BRAF: variants seen among roughly 807,000 people sequenced by gnomAD.
BRAF encodes the protein B-Raf proto-oncogene, serine/threonine kinase.
BRAF carries 16 observed loss-of-function variants against 104.6 expected under a neutral mutation model. The observed-to-expected ratio is 0.15, with a 90% CI of 0.10 to 0.23. BRAF has a LOEUF of 0.23. BRAF is among the 10% of genes least tolerant of loss of function. The pLI is 1.00. For missense variants in BRAF, 541 were observed against 937.3 expected, an observed-to-expected ratio of 0.58 and a Z score of 5.52; for synonymous variants, 310 against 341.6, an observed-to-expected ratio of 0.91 and a Z score of 1.02.
intron 1 of BRAF, among the ~76,000 whole-genome samples, chr7:140,866,282 C>G (rs1205084056): frequency 6.6e-6 from 1 of 152,180 alleles, no homozygotes; most frequent in African/African-American, 2.4e-5. Flanking sequence ...CTGGTCATAA[C>G]TTTCTCTCAC....
chr7:140,821,639 T>C (rs565249504), intron 3 of BRAF, among the ~76,000 whole-genome samples: 2 of 152,220 alleles, frequency 1.3e-5, no homozygotes, highest in Middle Eastern at 3.4e-3. Flanking sequence ...TTGGTGGGAA[T>C]GTAAATTGGT....
chr7:140,734,058 T>C (rs1796185988), intron 19 of BRAF: 1 of 1,038,018 alleles, frequency 9.6e-7, no homozygotes, highest in Admixed American at 5.6e-5. Context: ...ATAAAAGACA[T>C]CCACATTTTC....
At chr7:140,884,775 G>T (rs1309714303) in intron 1 of BRAF, among the ~76,000 whole-genome samples, 2 of 151,772 alleles carry the variant, frequency 1.3e-5, no homozygotes, top group Non-Finnish European at 2.9e-5. Flanking sequence ...AATTATGGAG[G>T]ACCCTAGAAA....
downstream of BRAF, among the ~76,000 whole-genome samples, chr7:140,716,660 G>A (rs1376415551): frequency 6.6e-6 from 1 of 152,166 alleles, no homozygotes; most frequent in Non-Finnish European, 1.5e-5. Flanking sequence ...TTTAGGGTAT[G>A]GCCTCAAATG....
chr7:140,823,919 T>C (rs1455983805), intron 3 of BRAF: 1 of 152,220 alleles, frequency 6.6e-6, no homozygotes, highest in Non-Finnish European at 1.5e-5. Flanking sequence ...TTAGCAATGT[T>C]GGGCATCTTT....
intron 2 of BRAF, among the ~76,000 whole-genome samples, chr7:140,841,225 CAAAT>C (rs1444395316): frequency 2.6e-5 from 4 of 151,564 alleles, no homozygotes; most frequent in Non-Finnish European, 5.9e-5. Context: ...ATTAAAAAAA[CAAAT>C]AGATAATAAC....
intron 14 of BRAF, among the ~76,000 whole-genome samples, chr7:140,772,848 C>T (rs1015785500): frequency 2.0e-5 from 3 of 152,108 alleles, no homozygotes; most frequent in African/African-American, 7.2e-5. Flanking sequence ...TAGTGTTTAA[C>T]ATAATAGTTT....
chr7:140,799,981 C>T (rs1357754722), intron 7 of BRAF: 13 of 395,732 alleles, frequency 3.3e-5, no homozygotes, highest in Non-Finnish European at 5.7e-5. Flanking sequence ...GTACCAAATG[C>T]AAGTAAATAT....
At chr7:140,734,237 T>C in intron 19 of BRAF, 1 of 1,163,424 alleles carries the variant, frequency 8.6e-7, no homozygotes, top group Non-Finnish European at 1.1e-6. Flanking sequence ...AGGGTCTTCT[T>C]CTGGAGTCCC....
intron 9 of BRAF, among the ~76,000 whole-genome samples, chr7:140,786,797 G>A (rs1801404570): frequency 6.6e-6 from 1 of 152,140 alleles, no homozygotes; most frequent in Admixed American, 6.5e-5. Context: ...TGATTCTAAG[G>A]TCAATCTTTA....
chr7:140,867,299 T>C (rs78663501), intron 1 of BRAF, among the ~76,000 whole-genome samples: 6 of 152,308 alleles, frequency 3.9e-5, no homozygotes, highest in Non-Finnish European at 7.3e-5. Flanking sequence ...AAATATTCCA[T>C]CATTAGGTAT....
rs548792237 is a variant in BRAF, at chr7:140,842,533, C to T, written c.240+7578G>A. On this transcript the variant is annotated intron_variant, in intron 2 of 19. Transcript: ENST00000644969. ...ACAGTATCCCTTCATCTCTGGGCTCCAATAAATCAAGTACAGAAAGAAGAA... is the reference window on the plus strand; with the variant it reads ...ACAGTATCCCTTCATCTCTGGGCTCTAATAAATCAAGTACAGAAAGAAGAA... 3.3e-5 allele frequency among the ~76,000 whole-genome samples: 5 copies of T among 152,104 alleles called. No homozygotes were observed. The South Asian group carries it at 1.0e-3, about 32-fold the overall frequency.
chr7:140,866,921 T>C (rs913716745), intron 1 of BRAF, among the ~76,000 whole-genome samples: 3 of 151,792 alleles, frequency 2.0e-5, no homozygotes, highest in Admixed American at 1.3e-4. Flanking sequence ...AATGTTATGA[T>C]GCATTCAATG....
chr7:140,818,552 A>G (rs1255219059), intron 3 of BRAF, among the ~76,000 whole-genome samples: 2 of 152,278 alleles, frequency 1.3e-5, no homozygotes, highest in South Asian at 4.1e-4. Flanking sequence ...ACCTCAGGTG[A>G]TCCGCCCGCC....
rs1023575294 is a variant in BRAF, at chr7:140,903,438, G to A, written c.138+21128C>T. 5.3e-5 allele frequency among the ~76,000 whole-genome samples: 8 copies of A among 152,050 alleles called. No individual in the cohort carries two copies. In the East Asian group the frequency reaches 1.2e-3, roughly 22 times the overall value. Reference sequence around the variant, plus strand: ...TTTAAGCCCACTGTTGAGACCCACCGCTCAGAAAAAAAGATTCCTTCTAAC... The same window carrying A: ...TTTAAGCCCACTGTTGAGACCCACCACTCAGAAAAAAAGATTCCTTCTAAC... On this transcript the variant is annotated intron_variant, in intron 1 of 19. Transcript: ENST00000644969.
intron 5 of BRAF, among the ~76,000 whole-genome samples, chr7:140,805,167 A>G (rs1803534645): frequency 6.6e-6 from 1 of 152,206 alleles, no homozygotes; most frequent in Admixed American, 6.5e-5. Flanking sequence ...TATTGAAAAT[A>G]TTTCAAGAAA....
chr7:140,757,568 G>A (rs1231568848), intron 14 of BRAF, among the ~76,000 whole-genome samples: 3 of 152,200 alleles, frequency 2.0e-5, no homozygotes, highest in Admixed American at 6.5e-5. Flanking sequence ...GATTACAGGC[G>A]TGAGCCACCA....
At chr7:140,759,461 A>C (rs1798484163) in intron 14 of BRAF, among the ~76,000 whole-genome samples, 1 of 152,230 alleles carries the variant, frequency 6.6e-6, no homozygotes, top group South Asian at 2.1e-4. Flanking sequence ...ATTTTGGCTC[A>C]CTGCAACCTC....
At chr7:140,777,373 T>A (rs1280233167) in intron 13 of BRAF, among the ~76,000 whole-genome samples, 1 of 152,208 alleles carries the variant, frequency 6.6e-6, no homozygotes, top group African/African-American at 2.4e-5. Flanking sequence ...GACTCTCATA[T>A]CTTTATTTAA....
Sources: allele counts gnomAD v4.1 joint callset (sites outside exome capture counted in the v4.1 genomes callset), GRCh38; gene constraint gnomAD v4.1.1; transcripts MANE v1.5; gene names NCBI Gene and HGNC (gene_info 2026-07-23, HGNC 2026-07-21).